PDE1A: variants seen among roughly 807,000 people sequenced by gnomAD.
PDE1A encodes the protein dual specificity calcium/calmodulin-dependent 3',5'-cyclic nucleotide phosphodiesterase 1A.
A neutral mutation model predicts 61.7 loss-of-function variants in PDE1A; 35 were observed. The ratio of observed to expected loss-of-function variants is 0.57; its 90% CI spans 0.43 to 0.75. The LOEUF (loss-of-function observed/expected upper bound fraction) is 0.75, where lower values mean the gene tolerates loss of function less well. Among genes scored for constraint, PDE1A ranks in the 30% least tolerant of loss-of-function variants. The pLI is 0.00. For missense variants in PDE1A, 597 were observed against 630.6 expected, an observed-to-expected ratio of 0.95 and a Z score of 0.57; for synonymous variants, 232 against 213.2, an observed-to-expected ratio of 1.09 and a Z score of -0.77.
At chr2:182,206,047 C>G in exon 8 of PDE1A, 1 of 1,609,486 alleles carries the variant, frequency 6.2e-7, no homozygotes, top group Non-Finnish European at 8.5e-7. Context: ...GATCATTATA[C>G]AAAATGGCAA....
the PDE1A span, among the ~76,000 whole-genome samples, chr2:182,640,240 A>G: frequency 6.6e-6 from 1 of 152,264 alleles, no homozygotes; most frequent in Non-Finnish European, 1.5e-5. Flanking sequence ...ATTAAAATAC[A>G]AACTTTACGC....
the PDE1A span, among the ~76,000 whole-genome samples, chr2:182,658,055 A>AAC: frequency 1.0e-5 from 1 of 100,182 alleles, no homozygotes; most frequent in African/African-American, 3.4e-5. Context: ...AGTAAAAAAA[A>AAC]AAAAAAAAAA....
At chr2:182,528,849 G>A in the PDE1A span, among the ~76,000 whole-genome samples, 2 of 152,238 alleles carry the variant, frequency 1.3e-5, no homozygotes, top group African/African-American at 4.8e-5. Context: ...CAGCTTCCAG[G>A]TGGTGTTGAG....
chr2:182,343,304 A>G (rs1698314676), intron 1 of PDE1A, among the ~76,000 whole-genome samples: 1 of 152,240 alleles, frequency 6.6e-6, no homozygotes. Context: ...ACTATAAATT[A>G]GAGTTAATAG....
At chr2:182,339,809 T>C (rs1698067708) in intron 1 of PDE1A, among the ~76,000 whole-genome samples, 1 of 152,204 alleles carries the variant, frequency 6.6e-6, no homozygotes, top group Non-Finnish European at 1.5e-5. Flanking sequence ...ATTTAGCAGG[T>C]CTACTCCATG....
At chr2:182,202,538 A>G (rs1269829387) in intron 8 of PDE1A, among the ~76,000 whole-genome samples, 1 of 152,176 alleles carries the variant, frequency 6.6e-6, no homozygotes, top group Non-Finnish European at 1.5e-5. Flanking sequence ...ACCCAGTCAC[A>G]CAGCTGGTAC....
chr2:182,509,650 C>G (rs1047526849), intron 2 of PDE1A, among the ~76,000 whole-genome samples: 1 of 152,092 alleles, frequency 6.6e-6, no homozygotes, highest in African/African-American at 2.4e-5. Context: ...CTGAGCCATA[C>G]AGATAAAAAG....
chr2:182,407,066 T>A (rs1436201015), intron 1 of PDE1A, among the ~76,000 whole-genome samples: 1 of 152,160 alleles, frequency 6.6e-6, no homozygotes, highest in Admixed American at 6.5e-5. Flanking sequence ...ATCAATTTAC[T>A]TTCAAAATGT....
chr2:182,335,307 A>G (rs1697722127), intron 1 of PDE1A, among the ~76,000 whole-genome samples: 1 of 152,218 alleles, frequency 6.6e-6, no homozygotes, highest in African/African-American at 2.4e-5. Context: ...CCATACAGCC[A>G]AGACAATCCT....
chr2:182,411,012 T>C (rs1016965608), intron 1 of PDE1A, among the ~76,000 whole-genome samples: 1 of 152,204 alleles, frequency 6.6e-6, no homozygotes, highest in African/African-American at 2.4e-5. Context: ...AGGTGTAACA[T>C]TCATACTGAA....
At chr2:182,542,159 GTTA>G in the PDE1A span, among the ~76,000 whole-genome samples, 2 of 152,008 alleles carry the variant, frequency 1.3e-5, no homozygotes, top group South Asian at 2.1e-4. Flanking sequence ...TTTCAAATTA[GTTA>G]TTATTTTATA....
the PDE1A span, among the ~76,000 whole-genome samples, chr2:182,692,873 G>A: frequency 2.6e-5 from 4 of 151,806 alleles, no homozygotes; most frequent in Admixed American, 2.6e-4. Flanking sequence ...CTAGGTATCT[G>A]TGATTATGTT....
intron 13 of PDE1A, among the ~76,000 whole-genome samples, chr2:182,151,352 G>A (rs1287550716): frequency 6.6e-6 from 1 of 152,144 alleles, no homozygotes; most frequent in Non-Finnish European, 1.5e-5. Context: ...TGATCCACCT[G>A]CCTTGGCCTC....
rs76796226 is a variant in PDE1A, at chr2:182,378,567, A to G, written c.53+48011T>C. Among the ~76,000 whole-genome samples the G allele has an allele frequency of 2.9e-3, 448 of 152,316 alleles. 1 individual carries two copies. Among genetic ancestry groups the G allele is most frequent in the African/African-American group, 0.01 (429 of 41,582 alleles). On this transcript the variant is annotated intron_variant, in intron 1 of 13. Coordinates refer to ENST00000351439, the Ensembl canonical transcript of PDE1A. ...CTACTCTAATACTCTTGTCATGACCATAGTGATTTTCCAAGTATTAGCTGT... is the reference window on the plus strand; with the variant it reads ...CTACTCTAATACTCTTGTCATGACCGTAGTGATTTTCCAAGTATTAGCTGT...
chr2:182,362,931 T>C (rs547727360), intron 1 of PDE1A, among the ~76,000 whole-genome samples: 30 of 152,166 alleles, frequency 2.0e-4, no homozygotes, highest in African/African-American at 5.5e-4. Context: ...TGGATGGGCC[T>C]GGAGACCATT....
chr2:182,568,216 G>C, the PDE1A span, among the ~76,000 whole-genome samples: 19 of 151,864 alleles, frequency 1.3e-4, no homozygotes, highest in African/African-American at 4.3e-4. Flanking sequence ...TTTTTAATCT[G>C]TTCTTTAATA....
intron 7 of PDE1A, among the ~76,000 whole-genome samples, chr2:182,221,086 T>C (rs999472168): frequency 2.0e-5 from 3 of 151,894 alleles, no homozygotes; most frequent in Non-Finnish European, 2.9e-5. Context: ...CCCCTTCTTG[T>C]CCTCCTCTTC....
chr2:182,694,766 C>T, the PDE1A span, among the ~76,000 whole-genome samples: 1 of 148,520 alleles, frequency 6.7e-6, no homozygotes, highest in East Asian at 2.0e-4. Context: ...ATTATGGAAC[C>T]CAGAGCTCCA....
intron 1 of PDE1A, among the ~76,000 whole-genome samples, chr2:182,362,159 A>G (rs1278882759): frequency 1.3e-5 from 2 of 152,166 alleles, no homozygotes; most frequent in East Asian, 1.9e-4. Context: ...TAATAATATG[A>G]AAAGTATTAG....
Sources: gnomAD v4.1 joint callset for allele counts (sites outside exome capture counted in the v4.1 genomes callset) on GRCh38, gnomAD v4.1.1 for gene constraint, MANE v1.5 for transcripts, NCBI Gene and HGNC (gene_info 2026-07-23, HGNC 2026-07-21) for gene names.